PHF20: variants seen among roughly 807,000 people sequenced by gnomAD.
PHF20 encodes glioma-expressed antigen 2.
In PHF20, 23 loss-of-function variants were observed where a neutral mutation model predicts 113.5. That is an observed-to-expected ratio of 0.20 (90% CI 0.15 to 0.29). The LOEUF is 0.29. PHF20 is among the 10% of genes least tolerant of loss of function. PHF20 has a pLI of 1.00. For missense variants in PHF20, 943 were observed against 1,219.6 expected (o/e 0.77, Z 3.38); for synonymous variants, 434 against 457.3 (o/e 0.95, Z 0.65).
At position 35,943,014 on chromosome 20, in the gene PHF20, A is replaced by G. The variant is rs184919806; in HGVS notation, c.2896+1967A>G. On this transcript the variant is annotated intron_variant, in intron 17 of 17. Coordinates refer to ENST00000374012, the MANE Select transcript of PHF20 (RefSeq NM_016436.5). ...AATTTTTTATATTTTTAGTAGAGACAGGGTTTCACTGTGTTAGCCAGGATG... is the reference window on the plus strand; with the variant it reads ...AATTTTTTATATTTTTAGTAGAGACGGGGTTTCACTGTGTTAGCCAGGATG... Among the ~76,000 whole-genome samples, 744 of 152,172 alleles carry G rather than the reference A, an allele frequency of 4.9e-3. 6 individuals carry two copies. Among genetic ancestry groups the G allele is most frequent in the East Asian group, 0.022 (112 of 5,166 alleles).
chr20:35,909,488 G>A (rs1437237108), intron 10 of PHF20, among the ~76,000 whole-genome samples: 1 of 152,016 alleles, frequency 6.6e-6, no homozygotes, highest in Non-Finnish European at 1.5e-5. Flanking sequence ...TATGTTTGGG[G>A]AAGACCCTGT....
chr20:35,910,991 T>G (rs2055289491), intron 10 of PHF20, among the ~76,000 whole-genome samples: 1 of 152,144 alleles, frequency 6.6e-6, no homozygotes, highest in South Asian at 2.1e-4. Flanking sequence ...GTCTGGCTCC[T>G]TTCACCCAGC....
intron 9 of PHF20, among the ~76,000 whole-genome samples, chr20:35,887,094 A>G (rs1387622915): frequency 6.6e-6 from 1 of 152,236 alleles, no homozygotes; most frequent in African/African-American, 2.4e-5. Context: ...AATATTAAAT[A>G]GGATATTTAT....
At chr20:35,821,341 A>C (rs567550078) in intron 2 of PHF20, among the ~76,000 whole-genome samples, 4 of 151,376 alleles carry the variant, frequency 2.6e-5, no homozygotes, top group African/African-American at 7.3e-5. Context: ...AAGCTGAGGC[A>C]GGAGAATTGC....
intron 2 of PHF20, among the ~76,000 whole-genome samples, chr20:35,811,864 G>C (rs1415885056): frequency 1.3e-5 from 2 of 151,788 alleles, no homozygotes; most frequent in African/African-American, 4.8e-5. Context: ...TCTGCCTCCC[G>C]GGTTCCCACC....
chr20:35,805,000 C>G (rs914505733), intron 2 of PHF20, among the ~76,000 whole-genome samples: 2 of 151,984 alleles, frequency 1.3e-5, no homozygotes, highest in African/African-American at 2.4e-5. Context: ...CTCCCAGGTT[C>G]AAGCGATTCT....
At chr20:35,817,483 G>A (rs1378525028) in intron 2 of PHF20, among the ~76,000 whole-genome samples, 1 of 150,384 alleles carries the variant, frequency 6.6e-6, no homozygotes, top group Non-Finnish European at 1.5e-5. Context: ...CACCACGCCA[G>A]ACCTATTTCT....
At chr20:35,781,806 G>A (rs575616885) in intron 1 of PHF20, among the ~76,000 whole-genome samples, 3 of 152,152 alleles carry the variant, frequency 2.0e-5, no homozygotes, top group Admixed American at 2.0e-4. Context: ...TTAGCTGGGC[G>A]TGGTAGCACA....
chr20:35,774,434 A>G (rs1224714734), intron 1 of PHF20: 1 of 152,076 alleles, frequency 6.6e-6, no homozygotes, highest in Non-Finnish European at 1.5e-5. Flanking sequence ...GGGACCTCCT[A>G]TCTCTTAAGA....
At chr20:35,856,707 GA>G (rs2146961028) in intron 4 of PHF20, among the ~76,000 whole-genome samples, 1 of 152,318 alleles carries the variant, frequency 6.6e-6, no homozygotes, top group Non-Finnish European at 1.5e-5. Context: ...GAAAAGCCCG[GA>G]AGCTTTTACA....
At chr20:35,845,436 G>A (rs2042606518) in intron 3 of PHF20, 2 of 387,238 alleles carry the variant, frequency 5.2e-6, no homozygotes, top group Non-Finnish European at 1.1e-5. Flanking sequence ...TGCAGTCTTG[G>A]CTTAATGTAG....
chr20:35,920,556 C>T (rs1168022354), intron 13 of PHF20, among the ~76,000 whole-genome samples: 1 of 152,136 alleles, frequency 6.6e-6, no homozygotes, highest in Non-Finnish European at 1.5e-5. Flanking sequence ...AATAAGTCAT[C>T]AGATTATGAT....
Position 35,914,108 on chromosome 20 carries a change from G to T in PHF20, c.1736G>T (p.Cys579Phe). 8 of 1,614,208 alleles carry T rather than the reference G, an allele frequency of 5.0e-6. No individual in the cohort carries two copies. The highest frequency in any genetic ancestry group is 6.8e-6 in the Non-Finnish European group (8 of 1,180,042). Residue 579 changes from cysteine to phenylalanine, a missense_variant, in exon 12 of 18, where the codon TGT becomes TTT. By Grantham distance (205) the Cys-to-Phe change is radical. Transcript: ENST00000374012. ...CCCAAGGCATTTGCTGTTACCAGGT[G>T]TGGGTCCTCACACAAGCCAGGGGTC... is the stretch of plus-strand genomic sequence containing the variant. Reference protein sequence around the residue: ...SPPKAFAVTRCGSSHKPGVHM... With the variant: ...SPPKAFAVTRFGSSHKPGVHM...
intron 10 of PHF20, among the ~76,000 whole-genome samples, chr20:35,911,960 C>A (rs376434192): frequency 1.4e-5 from 2 of 147,068 alleles, no homozygotes; most frequent in African/African-American, 5.0e-5. Context: ...TGCCCGGCTA[C>A]GACTGAATTT....
chr20:35,925,557 T>C (rs2055612342), intron 13 of PHF20, among the ~76,000 whole-genome samples: 2 of 151,722 alleles, frequency 1.3e-5, no homozygotes, highest in Non-Finnish European at 2.9e-5. Flanking sequence ...CATGAGCCAC[T>C]GTGCTTGGCC....
At chr20:35,865,978 A>G (rs978803548) in intron 6 of PHF20, among the ~76,000 whole-genome samples, 1 of 151,976 alleles carries the variant, frequency 6.6e-6, no homozygotes, top group Non-Finnish European at 1.5e-5. Context: ...GGAGACCAAC[A>G]TGGGTGGGTC....
intron 2 of PHF20, among the ~76,000 whole-genome samples, chr20:35,813,079 C>T (rs940391395): frequency 6.6e-6 from 1 of 152,310 alleles, no homozygotes; most frequent in Non-Finnish European, 1.5e-5. Flanking sequence ...CGCCATTCTC[C>T]TGCCTCGGCC....
chr20:35,932,070 GTT>G (rs200679606), intron 15 of PHF20, among the ~76,000 whole-genome samples: 12 of 139,316 alleles, frequency 8.6e-5, no homozygotes, highest in South Asian at 2.3e-4. Flanking sequence ...AGTTCTGAGT[GTT>G]TTTTTTTTTT....
At chr20:35,894,042 G>T (rs1351148045) in intron 9 of PHF20, among the ~76,000 whole-genome samples, 1 of 152,236 alleles carries the variant, frequency 6.6e-6, no homozygotes, top group Non-Finnish European at 1.5e-5. Flanking sequence ...CATAGTAAAA[G>T]ATGTCCCAAA....
Sources: allele counts gnomAD v4.1 joint callset (sites outside exome capture counted in the v4.1 genomes callset), GRCh38; gene constraint gnomAD v4.1.1; transcripts MANE v1.5; gene names NCBI Gene and HGNC (gene_info 2026-07-23, HGNC 2026-07-21).